SH3D21: variants seen among roughly 807,000 people sequenced by gnomAD.
SH3D21 encodes the protein manchette microtubule inner protein 1.
A neutral mutation model predicts 82.1 loss-of-function variants in SH3D21; 83 were observed. The observed-to-expected ratio is 1.01, with a 90% CI of 0.85 to 1.21. The LOEUF is 1.21. Among genes scored for constraint, SH3D21 ranks in the 50% most tolerant of loss-of-function variants. The probability of loss-of-function intolerance (pLI) is 0.00; values close to 1 mark genes in which losing one functional copy is unlikely to be tolerated. For synonymous variants in SH3D21, 383 were observed against 387.8 expected, an observed-to-expected ratio of 0.99 and a Z score of 0.15; for missense variants, 980 against 962.1, an observed-to-expected ratio of 1.02 and a Z score of -0.25.
At chr1:36,309,060 C>G (rs1380486630) in intron 9 of SH3D21, among the ~76,000 whole-genome samples, 1 of 152,056 alleles carries the variant, frequency 6.6e-6, no homozygotes, top group Admixed American at 6.6e-5. Flanking sequence ...TGATTTTGTG[C>G]AGTAGTTTTA....
intron 10 of SH3D21, among the ~76,000 whole-genome samples, chr1:36,313,357 G>T (rs1570386951): frequency 2.4e-5 from 1 of 42,084 alleles, no homozygotes; most frequent in Non-Finnish European, 5.6e-5. Context: ...AAATAAATAA[G>T]ATGGGAATCA....
chr1:36,310,852 A>C (rs1253821258), intron 10 of SH3D21, among the ~76,000 whole-genome samples: 1 of 152,152 alleles, frequency 6.6e-6, no homozygotes, highest in African/African-American at 2.4e-5. Flanking sequence ...TTTGAGCTTC[A>C]TAAAAATGGT....
rs1420583909 is a variant in SH3D21, at chr1:36,319,681, G to A, written c.1018G>A (p.Glu340Lys). 3 of 1,584,696 alleles carry A rather than the reference G, an allele frequency of 1.9e-6. No homozygotes were observed. Among genetic ancestry groups the A allele is most frequent in the Non-Finnish European group, 2.6e-6 (3 of 1,166,362 alleles). Residue 340 changes from glutamate to lysine, a missense_variant, in exon 14 of 16, where the codon GAG (glutamate) becomes AAG (lysine). Glu to Lys is a moderately conservative substitution (Grantham distance 56). Transcript: ENST00000453908. ...QQRSVSSQEEEHSSPVKAPSV... is the reference protein window; with the variant it reads ...QQRSVSSQEEKHSSPVKAPSV... Reference sequence around the variant, plus strand: ...TCACCTCCCATCACGGCAGGAGGAAGAGCACAGCAGCCCGGTAAAGGCCCC... The same window carrying A: ...TCACCTCCCATCACGGCAGGAGGAAAAGCACAGCAGCCCGGTAAAGGCCCC...
At position 36,307,135 on chromosome 1, in the gene SH3D21, A is replaced by C; in HGVS notation, c.227-32A>C. The C allele has an allele frequency of 2.6e-6, 4 of 1,550,754 alleles. No homozygotes were observed. The highest frequency in any genetic ancestry group is 3.5e-6 in the Non-Finnish European group (4 of 1,146,618). ...CCAGCTCCTCTGACTGGGGCGTCCGACTGGAGCTCAGCCGCGCTTGTCCGG... is the reference window on the plus strand; with the variant it reads ...CCAGCTCCTCTGACTGGGGCGTCCGCCTGGAGCTCAGCCGCGCTTGTCCGG... On this transcript the variant is annotated intron_variant, in intron 3 of 15. Transcript: ENST00000453908. This position sits in a 1 kb window ranked among gnomAD's most constrained non-coding sequence, Gnocchi z 5.4.
downstream of SH3D21, among the ~76,000 whole-genome samples, chr1:36,325,766 G>C (rs1030611778): frequency 6.6e-6 from 1 of 152,082 alleles, no homozygotes; most frequent in Non-Finnish European, 1.5e-5. Flanking sequence ...GGATGGTCTC[G>C]ATCTGCTGAC....
rs565933529 is a variant in SH3D21 at position 36,312,862 on chromosome 1, C to T, written c.769+3272C>T. Among the ~76,000 whole-genome samples, 289 of 152,270 alleles carry T rather than the reference C, an allele frequency of 1.9e-3. 3 individuals carry two copies. Among genetic ancestry groups the T allele is most frequent in the South Asian group, 0.018 (85 of 4,818 alleles). On this transcript the variant is annotated intron_variant, in intron 10 of 15. Coordinates refer to ENST00000453908, the MANE Select transcript of SH3D21 (RefSeq NM_001162530.2). ...AGTAGCTGGGACTACAGGTGTGCAC[C>T]ACCACATCCAGCTAAATTTTTTTGT...
chr1:36,322,211 G>T, downstream of SH3D21: 1 of 1,393,956 alleles, frequency 7.2e-7, no homozygotes, highest in South Asian at 1.5e-5. Context: ...TGTGGGGGCC[G>T]AGGCAGTCCG....
At chr1:36,326,661 G>A (rs117318872), downstream of SH3D21, among the ~76,000 whole-genome samples, 2,430 of 152,322 alleles carry the variant, frequency 0.016, 179 homozygotes, top group Admixed American at 0.13. Flanking sequence ...CTGTGGGCAA[G>A]AAGGGGAGCA....
intron 10 of SH3D21, among the ~76,000 whole-genome samples, chr1:36,315,745 C>T (rs1182187087): frequency 6.6e-6 from 1 of 152,180 alleles, no homozygotes; most frequent in Non-Finnish European, 1.5e-5. Context: ...TTCTGTCATT[C>T]CTCCCTCCTA....
chr1:36,322,333 TG>T (rs1420796192), downstream of SH3D21: 15 of 1,569,696 alleles, frequency 9.6e-6, no homozygotes, highest in Non-Finnish European at 1.2e-5. Flanking sequence ...CCCGTGGCCG[TG>T]GGGCTGGGCC....
chr1:36,320,442 T>C lies in SH3D21; in HGVS notation c.1779T>C (p.Pro593=), dbSNP rs1217875548. Residue 593 remains proline, a synonymous_variant, in exon 14 of 16, where the codon CCT becomes CCC. Coordinates refer to ENST00000453908, the MANE Select transcript of SH3D21 (RefSeq NM_001162530.2). ...CTACAACCCTTCCAGAGGAGGCACCTTCCAATGACGAGAGGACCCCTGAAG... is the reference window on the plus strand; with the variant it reads ...CTACAACCCTTCCAGAGGAGGCACCCTCCAATGACGAGAGGACCCCTGAAG... ...EEATTLPEEA[P]SNDERTPEEE... is the part of the protein sequence containing the mutation. The C allele has an allele frequency of 1.9e-6, 3 of 1,612,852 alleles. No individual in the cohort carries two copies. Among genetic ancestry groups the C allele is most frequent in the Non-Finnish European group, 2.5e-6 (3 of 1,179,618 alleles).
chr1:36,322,678 C>G (rs1454262015), downstream of SH3D21: 2 of 1,547,202 alleles, frequency 1.3e-6, no homozygotes, highest in Non-Finnish European at 1.7e-6. Flanking sequence ...AGCAGCAGGC[C>G]GAAGCAGACG....
Position 36,319,512 on chromosome 1 carries a change from C to G in SH3D21, c.987C>G (p.Pro329=), listed in dbSNP as rs943598808. Residue 329 remains proline (P), a synonymous_variant, in exon 13 of 16, where the codon CCC becomes CCG. Transcript: ENST00000453908. ...GAAAGCGATCCAAAACCCAGACTCCCCAGCAACGCTCTGTGTCCAGTCAGG... is the reference window on the plus strand; with the variant it reads ...GAAAGCGATCCAAAACCCAGACTCCGCAGCAACGCTCTGTGTCCAGTCAGG... ...PGRKRSKTQT[P]QQRSVSSQEE... 13 of 1,551,536 alleles carry G rather than the reference C, an allele frequency of 8.4e-6. No individual in the cohort carries two copies. In the African/African-American group the frequency reaches 1.4e-4, roughly 16 times the overall value.
chr1:36,312,627 G>A (rs1417083889), intron 10 of SH3D21, among the ~76,000 whole-genome samples: 1 of 152,068 alleles, frequency 6.6e-6, no homozygotes, highest in Admixed American at 6.6e-5. Flanking sequence ...TAGTTATTAG[G>A]ATCTCTCATA....
chr1:36,320,314 A>T lies in SH3D21; in HGVS notation c.1651A>T (p.Lys551Ter). 6.2e-7 allele frequency: 1 copy of T among 1,612,978 alleles called. No individual in the cohort carries two copies. Among genetic ancestry groups the T allele is most frequent in the Non-Finnish European group, 8.5e-7 (1 of 1,179,922 alleles). ...PSSERCLGEM[K>*]CTLVRGDSSP... ...CTCAGAGAGGTGCCTGGGAGAGATGAAATGTACCCTAGTTAGAGGGGACAG... is the reference window on the plus strand; with the variant it reads ...CTCAGAGAGGTGCCTGGGAGAGATGTAATGTACCCTAGTTAGAGGGGACAG... The change falls in exon 14 of 16, where the codon AAA becomes TAA. Residue 551 changes from lysine to a stop codon, truncating the protein, a stop_gained. Coordinates refer to ENST00000453908, the MANE Select transcript of SH3D21 (RefSeq NM_001162530.2). LOFTEE classifies it high-confidence loss of function.
chr1:36,326,064 T>C (rs1471015398), downstream of SH3D21, among the ~76,000 whole-genome samples: 1 of 152,142 alleles, frequency 6.6e-6, no homozygotes, highest in Non-Finnish European at 1.5e-5. Context: ...AGGAGGCAGC[T>C]GTGCCAGGAT....
chr1:36,321,227 C>T lies in SH3D21; in HGVS notation c.*100C>T. On this transcript the variant is annotated 3_prime_UTR_variant, in exon 16 of 16. Coordinates refer to ENST00000453908, the MANE Select transcript of SH3D21 (RefSeq NM_001162530.2). This position sits in a 1 kb window ranked among gnomAD's most constrained non-coding sequence, Gnocchi z 6.1. ...GCGAGAAAGTAAACTCTGCCTAGCACGGCGCCACGCCGGTCTGGTCGCTGG... is the reference window on the plus strand; with the variant it reads ...GCGAGAAAGTAAACTCTGCCTAGCATGGCGCCACGCCGGTCTGGTCGCTGG... 6.7e-7 allele frequency: 1 copy of T among 1,500,790 alleles called. No homozygotes were observed. Among genetic ancestry groups the T allele is most frequent in the Non-Finnish European group, 8.9e-7 (1 of 1,124,546 alleles). The allele number at this position is 1,500,790 out of a possible 1,614,324, so 93.0% of individuals were successfully genotyped here.
intron 10 of SH3D21, among the ~76,000 whole-genome samples, chr1:36,317,603 C>T (rs1646366395): frequency 6.6e-6 from 1 of 152,174 alleles, no homozygotes; most frequent in South Asian, 2.1e-4. Context: ...ACTCTTGTCG[C>T]CCAGGCTGGA....
chr1:36,322,744 G>C, downstream of SH3D21: 1 of 1,543,980 alleles, frequency 6.5e-7, no homozygotes, highest in Non-Finnish European at 8.7e-7. Flanking sequence ...CACAGGGCGG[G>C]GGTCACGGAG....
Sources: gnomAD v4.1 joint callset for allele counts (sites outside exome capture counted in the v4.1 genomes callset) on GRCh38, gnomAD v4.1.1 for gene constraint, Gnocchi (gnomAD v3.1) non-coding constraint, MANE v1.5 for transcripts, NCBI Gene and HGNC (gene_info 2026-07-23, HGNC 2026-07-21) for gene names.